TTC39C: variants seen among roughly 807,000 people sequenced by gnomAD.
TTC39C encodes the protein tetratricopeptide repeat domain 39C, also known as tetratricopeptide repeat protein 39C.
Under a neutral mutation model 76.3 loss-of-function variants are expected in TTC39C, and 33 were observed. The observed-to-expected ratio is 0.43, with a 90% CI of 0.33 to 0.58. TTC39C has a LOEUF of 0.58. Among genes scored for constraint, TTC39C ranks in the 20% least tolerant of loss-of-function variants. TTC39C has a pLI of 0.04. For synonymous variants in TTC39C, 254 were observed against 260.6 expected (o/e 0.97, Z 0.24); for missense variants, 595 against 701.4 (o/e 0.85, Z 1.71).
At chr18:24,126,721 C>T (rs936445148) in intron 10 of TTC39C, among the ~76,000 whole-genome samples, 7 of 151,680 alleles carry the variant, frequency 4.6e-5, no homozygotes. Context: ...GTTCATAACT[C>T]ACTGCAGCCT....
At chr18:24,041,792 G>A (rs973740536) in intron 1 of TTC39C, among the ~76,000 whole-genome samples, 1 of 152,140 alleles carries the variant, frequency 6.6e-6, no homozygotes, top group Non-Finnish European at 1.5e-5. Flanking sequence ...TCAGAATTAT[G>A]TTTTGAAAAA....
At chr18:24,026,573 T>C (rs2083602683) in intron 1 of TTC39C, among the ~76,000 whole-genome samples, 1 of 152,202 alleles carries the variant, frequency 6.6e-6, no homozygotes, top group South Asian at 2.1e-4. Flanking sequence ...CCCTCAACCA[T>C]GACATCAGTT....
chr18:24,075,691 AAAAAAAAAAAAAC>A (rs1442217158), intron 4 of TTC39C, among the ~76,000 whole-genome samples: 1 of 151,268 alleles, frequency 6.6e-6, no homozygotes, highest in African/African-American at 2.4e-5. Flanking sequence ...TCTCAAAAAA[AAAAAAAAAAAAAC>A]AAAAAAAAAA....
chr18:24,071,614 C>T (rs1175859695), intron 4 of TTC39C, among the ~76,000 whole-genome samples: 1 of 152,076 alleles, frequency 6.6e-6, no homozygotes, highest in African/African-American at 2.4e-5. Context: ...CTATGACTTA[C>T]TTTCAGAACA....
intron 6 of TTC39C, among the ~76,000 whole-genome samples, chr18:24,100,211 G>A (rs1401211469): frequency 6.6e-6 from 1 of 152,200 alleles, no homozygotes; most frequent in Admixed American, 6.5e-5. Flanking sequence ...TGTTCATTGT[G>A]ATGTGTCTTA....
At chr18:24,086,679 CCCACTGCGTGTCTA>C (rs1334419480) in intron 6 of TTC39C, among the ~76,000 whole-genome samples, 1 of 152,198 alleles carries the variant, frequency 6.6e-6, no homozygotes, top group Admixed American at 6.5e-5. Context: ...TCCGCTTCTC[CCCACTGCGTGTCTA>C]TAGTACTGTG....
At chr18:24,084,681 G>C (rs1453120165) in intron 6 of TTC39C, among the ~76,000 whole-genome samples, 2 of 151,596 alleles carry the variant, frequency 1.3e-5, no homozygotes, top group African/African-American at 4.9e-5. Context: ...TTTTGAGACG[G>C]GTCTCACCCT....
At chr18:24,078,561 T>C (rs1417087162) in intron 4 of TTC39C, among the ~76,000 whole-genome samples, 1 of 152,166 alleles carries the variant, frequency 6.6e-6, no homozygotes, top group Non-Finnish European at 1.5e-5. Context: ...GCACATGGGG[T>C]GGCGGAGTCC....
intron 1 of TTC39C, among the ~76,000 whole-genome samples, chr18:24,028,360 A>G (rs1286534326): frequency 3.3e-5 from 5 of 149,890 alleles, no homozygotes; most frequent in Non-Finnish European, 5.9e-5. Context: ...GGCTGGGCTT[A>G]TAAGAGAGAG....
chr18:24,014,223 T>C (rs983484431), upstream of TTC39C, among the ~76,000 whole-genome samples: 9 of 151,618 alleles, frequency 5.9e-5, no homozygotes, highest in Non-Finnish European at 1.2e-4. Context: ...GCGGGCTGCG[T>C]GGGGTTTCAG....
intron 1 of TTC39C, among the ~76,000 whole-genome samples, chr18:24,040,707 T>C (rs2145690169): frequency 6.6e-6 from 1 of 152,306 alleles, no homozygotes; most frequent in East Asian, 1.9e-4. Flanking sequence ...AGCTTGAGTA[T>C]CCAATAGGTG....
intron 4 of TTC39C, among the ~76,000 whole-genome samples, chr18:24,074,775 A>G (rs1005160851): frequency 6.6e-6 from 1 of 152,212 alleles, no homozygotes; most frequent in Non-Finnish European, 1.5e-5. Context: ...TAGAAATACC[A>G]TTTGACCTAG....
chr18:24,043,136 A>G (rs1239939360), intron 1 of TTC39C, among the ~76,000 whole-genome samples: 1 of 152,244 alleles, frequency 6.6e-6, no homozygotes, highest in East Asian at 1.9e-4. Flanking sequence ...AAAATAATGT[A>G]ATTCGTAGAA....
At chr18:24,090,009 T>A (rs2084497686) in intron 6 of TTC39C, among the ~76,000 whole-genome samples, 2 of 152,204 alleles carry the variant, frequency 1.3e-5, no homozygotes, top group South Asian at 4.1e-4. Flanking sequence ...TCTTTATACA[T>A]ACGAGACTTT....
intron 5 of TTC39C, among the ~76,000 whole-genome samples, chr18:24,082,413 A>T (rs1425901631): frequency 6.6e-6 from 1 of 151,758 alleles, no homozygotes; most frequent in Non-Finnish European, 1.5e-5. Flanking sequence ...TTTCCTTTTG[A>T]CCTATTTATT....
At chr18:24,006,608 A>C (rs1335987697) in intron 1 of TTC39C, 1 of 152,170 alleles carries the variant, frequency 6.6e-6, no homozygotes, top group African/African-American at 2.4e-5. Context: ...GACGGCGATC[A>C]AAAAACCAAG....
At chr18:24,039,531 T>A (rs924444521) in intron 1 of TTC39C, among the ~76,000 whole-genome samples, 2 of 152,224 alleles carry the variant, frequency 1.3e-5, no homozygotes, top group Non-Finnish European at 2.9e-5. Flanking sequence ...GGAGTCTCAG[T>A]GTGTTGCCCA....
rs1321653928 is a variant in TTC39C at position 24,037,021 on chromosome 18, T to G, written c.167+21983T>G. Reference sequence around the variant, plus strand: ...TCTTTCCAATTGGGATGCTTTTTATTTCTTTTCCTTTACTACTTGCTCTGG... The same window carrying G: ...TCTTTCCAATTGGGATGCTTTTTATGTCTTTTCCTTTACTACTTGCTCTGG... On this transcript the variant is annotated intron_variant, in intron 1 of 13. Transcript: ENST00000317571. Among the ~76,000 whole-genome samples, 3 of 152,362 alleles carry G rather than the reference T, an allele frequency of 2.0e-5. No homozygotes were observed. The East Asian group carries it at 5.8e-4, about 29-fold the overall frequency.
At chr18:24,029,166 G>C (rs540602326) in intron 1 of TTC39C, among the ~76,000 whole-genome samples, 1 of 151,838 alleles carries the variant, frequency 6.6e-6, no homozygotes, top group Non-Finnish European at 1.5e-5. Context: ...GCAGTGGTGC[G>C]ATCTCAGCTC....
Sources: allele counts gnomAD v4.1 joint callset (sites outside exome capture counted in the v4.1 genomes callset), GRCh38; gene constraint gnomAD v4.1.1; transcripts MANE v1.5; gene names NCBI Gene and HGNC (gene_info 2026-07-23, HGNC 2026-07-21).